The following RGS5 variants were observed in gnomAD, a reference collection of about 807,000 sequenced individuals.
RGS5 encodes regulator of G protein signaling 5, also known as regulator of G-protein signalling 5.
Under a neutral mutation model 18.9 loss-of-function variants are expected in RGS5, and 20 were observed. That is an observed-to-expected ratio of 1.06 (90% CI 0.74 to 1.54). The LOEUF (loss-of-function observed/expected upper bound fraction) is 1.54. RGS5 is among the 40% of genes most tolerant of loss of function. RGS5 has a pLI of 0.00. For missense variants in RGS5, 201 were observed against 211.8 expected (o/e 0.95, Z 0.32); for synonymous variants, 57 against 76.2 (o/e 0.75, Z 1.31).
At chr1:163,320,645 A>G (rs749733541) in intron 1 of RGS5, among the ~76,000 whole-genome samples, 57 of 152,080 alleles carry the variant, frequency 3.7e-4, no homozygotes, top group Admixed American at 2.0e-3. Flanking sequence ...TGCTTTCCTC[A>G]CTGACTCTAA....
At chr1:163,315,116 A>C (rs909301640) in intron 1 of RGS5, among the ~76,000 whole-genome samples, 3 of 152,162 alleles carry the variant, frequency 2.0e-5, no homozygotes, top group African/African-American at 7.2e-5. Context: ...TGTAACCAAA[A>C]AGGACCTGTG....
intron 2 of RGS5, chr1:163,239,126 C>T: frequency 5.9e-6 from 1 of 169,716 alleles, no homozygotes; most frequent in Non-Finnish European, 1.3e-5. Flanking sequence ...AAGTGGGGAT[C>T]TCTTCAGGGA....
chr1:163,303,764 C>T (rs1468416528), intron 2 of RGS5, among the ~76,000 whole-genome samples: 1 of 152,166 alleles, frequency 6.6e-6, no homozygotes, highest in African/African-American at 2.4e-5. Flanking sequence ...GCATTACCAC[C>T]TGCCTGAGCT....
intron 2 of RGS5, among the ~76,000 whole-genome samples, chr1:163,234,009 T>C (rs866689237): frequency 5.3e-5 from 8 of 152,288 alleles, no homozygotes; most frequent in South Asian, 2.1e-4. Flanking sequence ...GGGGATATGA[T>C]GGCTTAGCTT....
chr1:163,272,554 C>A (rs1364249594), intron 2 of RGS5, among the ~76,000 whole-genome samples: 1 of 152,094 alleles, frequency 6.6e-6, no homozygotes, highest in Non-Finnish European at 1.5e-5. Flanking sequence ...TTATATTTAG[C>A]TCTATGACTC....
chr1:163,243,653 A>AAAAC (rs1553223262), intron 2 of RGS5, among the ~76,000 whole-genome samples: 1 of 150,982 alleles, frequency 6.6e-6, no homozygotes, highest in Non-Finnish European at 1.5e-5. Flanking sequence ...CAAAAAAAAA[A>AAAAC]AAAAAAAAAA....
chr1:163,197,160 G>A (rs770556620), intron 1 of RGS5, among the ~76,000 whole-genome samples: 4 of 152,054 alleles, frequency 2.6e-5, no homozygotes, highest in African/African-American at 4.8e-5. Flanking sequence ...GAAACTCAGC[G>A]GTTTCCCTCC....
At chr1:163,205,770 ATCTCCTGCCCACACAACTGC>A (rs1388675579), upstream of RGS5, among the ~76,000 whole-genome samples, 8 of 152,344 alleles carry the variant, frequency 5.3e-5, no homozygotes, top group African/African-American at 1.9e-4. Flanking sequence ...GATGAAAAGG[ATCTCCTGCCCACACAACTGC>A]TCTGATTCAT....
chr1:163,200,893 C>T (rs1456796266), intron 1 of RGS5, among the ~76,000 whole-genome samples: 1 of 152,022 alleles, frequency 6.6e-6, no homozygotes, highest in Non-Finnish European at 1.5e-5. Flanking sequence ...ATTAATGTTG[C>T]TAGTGAATCA....
intron 1 of RGS5, among the ~76,000 whole-genome samples, chr1:163,182,145 T>C (rs898041332): frequency 6.6e-6 from 1 of 152,154 alleles, no homozygotes; most frequent in African/African-American, 2.4e-5. Flanking sequence ...AATATGTTAA[T>C]TGAATGGATA....
At chr1:163,238,763 AAG>A (rs1367375856) in intron 2 of RGS5, 1 of 213,534 alleles carries the variant, frequency 4.7e-6, no homozygotes, top group African/African-American at 2.3e-5. Flanking sequence ...TAAAGTTTAG[AAG>A]AGTTTAATAA....
At chr1:163,267,715 A>G (rs1345834922) in intron 2 of RGS5, among the ~76,000 whole-genome samples, 2 of 152,122 alleles carry the variant, frequency 1.3e-5, no homozygotes, top group Non-Finnish European at 2.9e-5. Flanking sequence ...AGGGTTAGAG[A>G]GTGGGAATAC....
chr1:163,252,562 T>C (rs1648138099), intron 2 of RGS5, among the ~76,000 whole-genome samples: 1 of 152,216 alleles, frequency 6.6e-6, no homozygotes, highest in East Asian at 1.9e-4. Context: ...TAGAAAGTTC[T>C]TGACTTTTAC....
intron 2 of RGS5, among the ~76,000 whole-genome samples, chr1:163,229,636 G>A (rs2101683552): frequency 6.6e-6 from 1 of 152,280 alleles, no homozygotes; most frequent in Middle Eastern, 3.4e-3. Flanking sequence ...CTGTAACTCA[G>A]GGCATTTGCC....
At chr1:163,253,720 T>C (rs1648184012) in intron 2 of RGS5, among the ~76,000 whole-genome samples, 1 of 151,984 alleles carries the variant, frequency 6.6e-6, no homozygotes, top group African/African-American at 2.4e-5. Flanking sequence ...TACATATGTA[T>C]ACATGTGCCA....
intron 2 of RGS5, chr1:163,260,558 T>A (rs1648402584): frequency 6.6e-6 from 1 of 152,074 alleles, no homozygotes; most frequent in Non-Finnish European, 1.5e-5. Context: ...AGGTATAATG[T>A]ACTCATTACC....
At chr1:163,241,156 T>C (rs547723634) in intron 2 of RGS5, among the ~76,000 whole-genome samples, 19 of 152,368 alleles carry the variant, frequency 1.2e-4, no homozygotes, top group African/African-American at 4.6e-4. Context: ...TTTACTTTTC[T>C]TCTATAATAA....
At chr1:163,175,084 G>C (rs1450385524) in intron 1 of RGS5, among the ~76,000 whole-genome samples, 2 of 152,094 alleles carry the variant, frequency 1.3e-5, no homozygotes, top group Admixed American at 6.5e-5. Flanking sequence ...ACACTACGAG[G>C]TTTCTTTCCA....
intron 2 of RGS5, among the ~76,000 whole-genome samples, chr1:163,243,299 G>A (rs1647838457): frequency 6.6e-6 from 1 of 152,092 alleles, no homozygotes; most frequent in Non-Finnish European, 1.5e-5. Context: ...CAGGGGTTGG[G>A]AGTAAAGGGG....
Sources: allele counts gnomAD v4.1 joint callset (sites outside exome capture counted in the v4.1 genomes callset), GRCh38; gene constraint gnomAD v4.1.1; transcripts MANE v1.5; gene names NCBI Gene and HGNC (gene_info 2026-07-23, HGNC 2026-07-21).